The following CDYL variants were observed in gnomAD, a reference collection of about 807,000 sequenced individuals.
The protein encoded by CDYL is chromodomain Y-like protein.
CDYL carries 8 observed loss-of-function variants against 47.3 expected under a neutral mutation model. The observed-to-expected ratio is 0.17, with a 90% CI of 0.10 to 0.31. The LOEUF is 0.31. Ranked by LOEUF, CDYL falls within the 10% of genes least tolerant of loss-of-function variation. The pLI is 1.00. For missense variants in CDYL, 471 were observed against 701.4 expected, an observed-to-expected ratio of 0.67 and a Z score of 3.71; for synonymous variants, 266 against 265.0, an observed-to-expected ratio of 1.00 and a Z score of -0.04.
chr6:4,731,820 CAAAA>C lies in CDYL; in HGVS notation c.104-2933_104-2930del, dbSNP rs538861324. On this transcript the variant is annotated intron_variant, in intron 2 of 8. Coordinates refer to the CDYL transcript ENST00000328908. ...TGAGTGACAGAGAAAGACTCTGTCT[CAAAA>C]AAAAAAAAGAAATCATTGCCTCCTG... 6.6e-4 allele frequency among the ~76,000 whole-genome samples: 80 copies of C among 120,862 alleles called. 1 individual carries two copies. Among genetic ancestry groups the C allele is most frequent in the Middle Eastern group, 9.0e-3 (2 of 222 alleles). The allele number at this position is 120,862 out of a possible 152,430, so 79.3% of individuals were successfully genotyped here. A position where few individuals can be genotyped will look rare whatever the true frequency, so the allele number is the denominator to read the frequency against.
chr6:4,719,836 T>C (rs1757336360), intron 2 of CDYL, among the ~76,000 whole-genome samples: 3 of 152,216 alleles, frequency 2.0e-5, no homozygotes, highest in Non-Finnish European at 4.4e-5. Flanking sequence ...TCTTGCCACT[T>C]TCCCCAAAAT....
At chr6:4,730,674 CAAAA>C (rs56956798) in intron 2 of CDYL, among the ~76,000 whole-genome samples, 9,689 of 58,756 alleles carry the variant, frequency 0.16, 260 homozygotes, top group African/African-American at 0.23. Flanking sequence ...AATTCCATCT[CAAAA>C]AAAAAAAAAA....
At chr6:4,737,863 T>C (rs1757730587) in intron 3 of CDYL, among the ~76,000 whole-genome samples, 1 of 151,992 alleles carries the variant, frequency 6.6e-6, no homozygotes, top group South Asian at 2.1e-4. Flanking sequence ...CGGACAAATG[T>C]TTAAAAACGT....
chr6:4,866,401 A>G (rs538670464), intron 1 of CDYL, among the ~76,000 whole-genome samples: 94 of 152,266 alleles, frequency 6.2e-4, no homozygotes, highest in African/African-American at 2.1e-3. Flanking sequence ...AGAAGATTAA[A>G]ACATTAGGAA....
At chr6:4,778,919 C>T (rs546648404) in intron 1 of CDYL, among the ~76,000 whole-genome samples, 140 of 152,202 alleles carry the variant, frequency 9.2e-4, no homozygotes, top group Non-Finnish European at 1.7e-3. Flanking sequence ...GGTAAATTAG[C>T]CTTGAAAGCT....
intron 2 of CDYL, among the ~76,000 whole-genome samples, chr6:4,932,099 A>C (rs1581274295): frequency 6.6e-6 from 1 of 152,130 alleles, no homozygotes; most frequent in Admixed American, 6.5e-5. Flanking sequence ...AGCATTCCAG[A>C]GGTGGGGAGA....
At chr6:4,721,704 C>A (rs943853609) in intron 2 of CDYL, among the ~76,000 whole-genome samples, 4 of 151,892 alleles carry the variant, frequency 2.6e-5, no homozygotes, top group Admixed American at 6.6e-5. Flanking sequence ...GAAACACTTA[C>A]ACGTCACTGC....
At chr6:4,830,062 T>C (rs1431027522) in intron 1 of CDYL, among the ~76,000 whole-genome samples, 1 of 152,230 alleles carries the variant, frequency 6.6e-6, no homozygotes, top group African/African-American at 2.4e-5. Flanking sequence ...GTATGAGAAG[T>C]CAGAGCTTCC....
intron 1 of CDYL, among the ~76,000 whole-genome samples, chr6:4,829,536 T>C (rs181050872): frequency 6.6e-6 from 1 of 152,350 alleles, no homozygotes; most frequent in East Asian, 1.9e-4. Flanking sequence ...GCGTGCATCT[T>C]GCCCTGGGCT....
chr6:4,744,319 C>T (rs1378791323), intron 3 of CDYL, among the ~76,000 whole-genome samples: 1 of 152,070 alleles, frequency 6.6e-6, no homozygotes, highest in Non-Finnish European at 1.5e-5. Context: ...TTAGTAAAAC[C>T]CTGTCCCTAC....
intron 2 of CDYL, among the ~76,000 whole-genome samples, chr6:4,897,323 C>T (rs1038971702): frequency 5.3e-5 from 8 of 152,130 alleles, no homozygotes; most frequent in Non-Finnish European, 1.2e-4. Context: ...GCCAACAGAC[C>T]TAGTAGGAAA....
intron 2 of CDYL, chr6:4,715,951 T>A (rs9502226): frequency 6.4e-7 from 1 of 1,553,832 alleles, no homozygotes. Context: ...CCCTTTTATT[T>A]AAAAATGATT....
At position 4,776,753 on chromosome 6, in the gene CDYL, G is replaced by GGCC; in HGVS notation, c.-31_-30insGCC. ...CGGCGCCGGCGCCCGCCCCGACCCT[G>GGCC]CCCCTCCCGCCCGCAACTCCGCCGC... On this transcript the variant is annotated 5_prime_UTR_variant, in exon 1 of 7. Coordinates refer to ENST00000397588, the MANE Select transcript of CDYL (RefSeq NM_004824.4). 4.3e-5 allele frequency: 30 copies of GGCC among 696,490 alleles called. No individual in the cohort carries two copies. The highest frequency in any genetic ancestry group is 5.2e-5 in the Non-Finnish European group (27 of 517,108). The allele number at this position is 696,490 out of a possible 1,614,324, so 43.1% of individuals were successfully genotyped here.
At chr6:4,852,807 T>TTTTG in intron 1 of CDYL, among the ~76,000 whole-genome samples, 1 of 139,620 alleles carries the variant, frequency 7.2e-6, no homozygotes, top group African/African-American at 3.0e-5. Flanking sequence ...TTCTTTGTTC[T>TTTTG]TTTTTTTTTG....
chr6:4,782,004 T>G (rs769791333), intron 1 of CDYL, among the ~76,000 whole-genome samples: 8 of 151,572 alleles, frequency 5.3e-5, no homozygotes, highest in Non-Finnish European at 2.9e-5. Context: ...GCAGGTGGAT[T>G]TAGGAGCCTC....
At chr6:4,826,883 G>A (rs911496090) in intron 1 of CDYL, among the ~76,000 whole-genome samples, 13 of 152,166 alleles carry the variant, frequency 8.5e-5, no homozygotes, top group Admixed American at 6.5e-4. Context: ...TAGATAATCT[G>A]TCCTGTACTG....
chr6:4,856,888 A>G (rs918473667), intron 1 of CDYL, among the ~76,000 whole-genome samples: 1 of 152,218 alleles, frequency 6.6e-6, no homozygotes, highest in Admixed American at 6.5e-5. Context: ...GAGAAACTCT[A>G]ACCTGACCTG....
At chr6:4,707,568 G>A (rs931972367) in intron 1 of CDYL, among the ~76,000 whole-genome samples, 2 of 152,132 alleles carry the variant, frequency 1.3e-5, no homozygotes, top group African/African-American at 4.8e-5. Flanking sequence ...CACAGCCCCC[G>A]GCTGTCTGTT....
At chr6:4,763,717 C>T (rs536001668) in intron 3 of CDYL, among the ~76,000 whole-genome samples, 244 of 152,218 alleles carry the variant, frequency 1.6e-3, no homozygotes, top group African/African-American at 5.3e-3. Flanking sequence ...CCAACATGGG[C>T]GGATCACTTG....
Sources: gnomAD v4.1 joint callset for allele counts (sites outside exome capture counted in the v4.1 genomes callset) on GRCh38, gnomAD v4.1.1 for gene constraint, MANE v1.5 for transcripts, NCBI Gene and HGNC (gene_info 2026-07-23, HGNC 2026-07-21) for gene names.